Variants in PLEKHH1 observed in about 807,000 individuals in gnomAD.
PLEKHH1 encodes pleckstrin homology, MyTH4 and FERM domain containing H1.
A neutral mutation model predicts 160.0 loss-of-function variants in PLEKHH1; 104 were observed. The ratio of observed to expected loss-of-function variants is 0.65; its 90% CI spans 0.55 to 0.76. The LOEUF (loss-of-function observed/expected upper bound fraction) is 0.76, where lower values mean the gene tolerates loss of function less well. Ranked by LOEUF, PLEKHH1 falls within the 30% of genes least tolerant of loss-of-function variation. The pLI is 0.00. For synonymous variants in PLEKHH1, 619 were observed against 678.4 expected, an observed-to-expected ratio of 0.91 and a Z score of 1.36; for missense variants, 1,427 against 1,724.1, an observed-to-expected ratio of 0.83 and a Z score of 3.05.
intron 2 of PLEKHH1, among the ~76,000 whole-genome samples, chr14:67,549,513 C>G (rs945774462): frequency 6.6e-6 from 1 of 152,036 alleles, no homozygotes; most frequent in Non-Finnish European, 1.5e-5. Context: ...TCAAGTGATC[C>G]GCCTGCCTCG....
At position 67,562,337 on chromosome 14, in the gene PLEKHH1, T is replaced by C. The variant is rs543477446; in HGVS notation, c.706T>C (p.Leu236=). The part of the protein sequence containing the change: ...KDSVSEAASP[L]EDSSSSTVHS... ...CTCTGTTTCTGAAGCAGCAAGCCCC[T>C]TGGAGGATTCTAGTTCCAGCACGGT... The change falls in exon 7 of 29, where the codon TTG becomes CTG. Residue 236 remains leucine, a synonymous_variant. Coordinates refer to ENST00000329153, the MANE Select transcript of PLEKHH1 (RefSeq NM_020715.3). The C allele has an allele frequency of 3.1e-6, 5 of 1,613,912 alleles. No homozygotes were observed. The highest frequency in any genetic ancestry group is 2.2e-5 in the East Asian group (1 of 44,866).
In PLEKHH1 at chr14:67,574,400, C is replaced by G. The variant is rs756350248; in HGVS notation, c.2085C>G (p.Thr695=). 5.1e-6 allele frequency: 8 copies of G among 1,562,332 alleles called. No individual in the cohort carries two copies. Among genetic ancestry groups the G allele is most frequent in the South Asian group, 3.6e-5 (3 of 83,470 alleles). The part of the protein sequence containing the change: ...GTKPTVKGWL[T]KVKHGHSKVV... ...AGCCCACCGTGAAGGGCTGGCTGAC[C>G]AAGGTAGAGGGTGGGGCTGATAGGG... The change falls in exon 14 of 29, where the codon ACC becomes ACG. Residue 695 remains threonine, a synonymous_variant. Transcript: ENST00000329153. This position sits in a 1 kb window ranked among gnomAD's most constrained non-coding sequence, Gnocchi z 4.2.
At chr14:67,534,828 T>G (rs1391120975) in intron 1 of PLEKHH1, among the ~76,000 whole-genome samples, 3 of 152,194 alleles carry the variant, frequency 2.0e-5, no homozygotes, top group Non-Finnish European at 2.9e-5. Context: ...CAATTTAAAG[T>G]GTACATCATT....
intron 5 of PLEKHH1, among the ~76,000 whole-genome samples, chr14:67,560,740 T>C (rs1374602977): frequency 6.6e-6 from 1 of 151,176 alleles, no homozygotes; most frequent in East Asian, 1.9e-4. Flanking sequence ...TTTTTTTTTT[T>C]TTTTTTTGAG....
rs1299229098 is a variant in PLEKHH1 at position 67,570,011 on chromosome 14, G to A, written c.1433G>A (p.Gly478Glu). The A allele has an allele frequency of 6.3e-7, 1 of 1,584,286 alleles. No homozygotes were observed. Among genetic ancestry groups the A allele is most frequent in the Non-Finnish European group, 8.6e-7 (1 of 1,158,128 alleles). The change falls in exon 9 of 29, where the codon GGG (glycine) becomes GAG (glutamate). Residue 478 changes from glycine to glutamate, a missense_variant and splice_region_variant. Gly to Glu is a moderately conservative substitution (Grantham distance 98). This residue lies in a region of PLEKHH1 where 831 missense variants were observed against 929.2 expected (regional missense o/e 0.89). Coordinates refer to ENST00000329153, the MANE Select transcript of PLEKHH1 (RefSeq NM_020715.3). The part of the protein sequence containing the change: ...VTVPVYTALK[G>E]RATQISNMPF... ...GTGCCTGTCTACACAGCACTGAAGG[G>A]GGTAAGAAACTGCTGCACAAAGAGG...
intron 21 of PLEKHH1, 198 bp downstream of exon 21, chr14:67,579,509 G>A: frequency 1.5e-6 from 1 of 651,282 alleles, no homozygotes; most frequent in East Asian, 2.8e-5. Context: ...GTTGGTAAAG[G>A]AGGGACCCAG....
chr14:67,572,046 C>T (rs1442724145), intron 10 of PLEKHH1, 89 bp from the exon 11 acceptor site: 2 of 1,499,810 alleles, frequency 1.3e-6, no homozygotes, highest in Admixed American at 2.0e-5. Flanking sequence ...GACCGGGTCC[C>T]GGGTGGGTGG....
chr14:67,565,417 A>T (rs1275825040), intron 7 of PLEKHH1, among the ~76,000 whole-genome samples: 4 of 151,972 alleles, frequency 2.6e-5, no homozygotes, highest in Non-Finnish European at 4.4e-5. Flanking sequence ...CTAATTTTTT[A>T]AATTTTTTGT....
Position 67,561,948 on chromosome 14 carries a change from G to C in PLEKHH1, c.424-6G>C, listed in dbSNP as rs1233837658. 3 of 1,607,620 alleles carry C rather than the reference G, an allele frequency of 1.9e-6. 1 individual carries two copies. In the Admixed American group the frequency reaches 5.0e-5, roughly 27 times the overall value. On this transcript the variant is annotated splice_region_variant and splice_polypyrimidine_tract_variant and intron_variant, in intron 5 of 28. Transcript: ENST00000329153. ...GTCCTAAATCTTCATTTTTCTTTTTGCTCAGCTTGAGATGGAGAATCAGCA... is the reference window on the plus strand; with the variant it reads ...GTCCTAAATCTTCATTTTTCTTTTTCCTCAGCTTGAGATGGAGAATCAGCA...
chr14:67,547,709 G>A (rs2034235773), intron 2 of PLEKHH1, among the ~76,000 whole-genome samples: 2 of 152,218 alleles, frequency 1.3e-5, no homozygotes, highest in South Asian at 4.1e-4. Context: ...CTGCCTGTGG[G>A]CTGCGGAGGC....
At position 67,555,169 on chromosome 14, in the gene PLEKHH1, T is replaced by G. The variant is rs145496433; in HGVS notation, c.127-656T>G. Among the ~76,000 whole-genome samples the G allele has an allele frequency of 7.3e-4, 111 of 152,318 alleles. 1 individual carries two copies. The highest frequency in any genetic ancestry group is 2.5e-3 in the African/African-American group (104 of 41,580). On this transcript the variant is annotated intron_variant, in intron 2 of 28. Coordinates refer to ENST00000329153, the MANE Select transcript of PLEKHH1 (RefSeq NM_020715.3). ...CAGGGCTCAAGTGATCTTCCCGCCT[T>G]AGGCTTCCAAAGTGCTGGGATTACA...
chr14:67,559,221 G>A (rs952435247), intron 4 of PLEKHH1, among the ~76,000 whole-genome samples: 8 of 151,086 alleles, frequency 5.3e-5, no homozygotes, highest in Non-Finnish European at 1.5e-5. Flanking sequence ...AACTATAAAG[G>A]TAACACATGC....
At chr14:67,540,064 CCAT>C (rs2033903384) in intron 1 of PLEKHH1, among the ~76,000 whole-genome samples, 1 of 152,046 alleles carries the variant, frequency 6.6e-6, no homozygotes, top group Non-Finnish European at 1.5e-5. Flanking sequence ...TTTTCTGAGG[CCAT>C]GTGGCTCCTG....
intron 1 of PLEKHH1, among the ~76,000 whole-genome samples, chr14:67,539,537 T>C (rs567073054): frequency 6.6e-6 from 1 of 152,218 alleles, no homozygotes; most frequent in African/African-American, 2.4e-5. Flanking sequence ...GAGATTATGG[T>C]GTCAGAATAT....
chr14:67,543,039 C>G lies in PLEKHH1; in HGVS notation c.126+1046C>G, dbSNP rs12589345. Among the ~76,000 whole-genome samples the G allele has an allele frequency of 4.4e-3, 675 of 152,304 alleles. 18 individuals are homozygous for G. The East Asian group carries it at 0.062, about 14-fold the overall frequency. ...AGATACATTCTAAACTGCTAACTTT[C>G]AGAGGCATTCTGGAGCATAACCCAT... is the stretch of plus-strand genomic sequence containing the variant. On this transcript the variant is annotated intron_variant, in intron 2 of 28. Coordinates refer to ENST00000329153, the MANE Select transcript of PLEKHH1 (RefSeq NM_020715.3).
rs767752339 is a variant in PLEKHH1 at position 67,562,886 on chromosome 14, T to G, written c.1255T>G (p.Ser419Ala). Residue 419 changes from serine (S) to alanine (A), a missense_variant, in exon 7 of 29, where the codon TCA becomes GCA. Ser to Ala is a moderately conservative substitution (Grantham distance 99). Transcript: ENST00000329153. ...KPPTPPLHQFSSWESRIYAVA... is the reference protein window; with the variant it reads ...KPPTPPLHQFASWESRIYAVA... ...ACCTACACCCCCGCTGCACCAGTTT[T>G]CATCCTGGGTAAGAGGCAACCTCCG... 6.2e-7 allele frequency: 1 copy of G among 1,612,114 alleles called. No individual in the cohort carries two copies. Among genetic ancestry groups the G allele is most frequent in the East Asian group, 2.2e-5 (1 of 44,860 alleles).
chr14:67,573,208 G>T lies in PLEKHH1; in HGVS notation c.1729-68G>T. 1.1e-6 allele frequency: 1 copy of T among 951,110 alleles called. No homozygotes were observed. Among genetic ancestry groups the T allele is most frequent in the South Asian group, 1.3e-5 (1 of 76,124 alleles). 58.9% of individuals were successfully genotyped at this position (951,110 alleles called of 1,614,324 possible). On this transcript the variant is annotated intron_variant, in intron 11 of 28. Coordinates refer to ENST00000329153, the MANE Select transcript of PLEKHH1 (RefSeq NM_020715.3). The surrounding 1 kb of genome is among the most constrained non-coding windows in gnomAD (Gnocchi z 4.8). The stretch of plus-strand genomic sequence containing the variant: ...AGTAGTGAGGCAGCTGGACCACTTG[G>T]ACCTGTGTGATGTCTAGGAGCCCTG...
At chr14:67,547,413 C>T (rs2034223982) in intron 2 of PLEKHH1, among the ~76,000 whole-genome samples, 1 of 152,212 alleles carries the variant, frequency 6.6e-6, no homozygotes, top group Non-Finnish European at 1.5e-5. Flanking sequence ...CTTTCCCTAG[C>T]AGAGCCAAGA....
chr14:67,552,066 TG>T (rs1419372736), intron 2 of PLEKHH1, among the ~76,000 whole-genome samples: 1 of 152,116 alleles, frequency 6.6e-6, no homozygotes, highest in African/African-American at 2.4e-5. Flanking sequence ...GCTGTACACT[TG>T]GGGGTTAAAT....
Sources: allele counts gnomAD v4.1 joint callset (sites outside exome capture counted in the v4.1 genomes callset), GRCh38; gene constraint gnomAD v4.1.1; regional missense constraint gnomAD v4.1.1; non-coding constraint Gnocchi (gnomAD v3.1); transcripts MANE v1.5; gene names NCBI Gene and HGNC (gene_info 2026-07-23, HGNC 2026-07-21).